KHSRP: variants seen among roughly 807,000 people sequenced by gnomAD.
KHSRP encodes far upstream element-binding protein 2.
In KHSRP, 13 loss-of-function variants were observed where a neutral mutation model predicts 94.9. That is an observed-to-expected ratio of 0.14 (90% CI 0.09 to 0.22). The LOEUF (loss-of-function observed/expected upper bound fraction) is 0.22. KHSRP is among the 10% of genes least tolerant of loss of function. KHSRP has a pLI of 1.00. For synonymous variants in KHSRP, 495 were observed against 401.4 expected (o/e 1.23, Z -2.79); for missense variants, 710 against 1,010.0 (o/e 0.70, Z 4.03).
chr19:6,424,387 A>T, intron 1 of KHSRP, 66 bp downstream of exon 1: 1 of 774,252 alleles, frequency 1.3e-6, no homozygotes, highest in Non-Finnish European at 1.5e-6. Flanking sequence ...CGCGCACGTG[A>T]CCCCCGCCCC....
At chr19:6,423,520 TTCCTCCCTTCAAGCTGTCCCA>T (rs2092207790) in intron 1 of KHSRP, among the ~76,000 whole-genome samples, 1 of 152,192 alleles carries the variant, frequency 6.6e-6, no homozygotes, top group South Asian at 2.1e-4. Flanking sequence ...CAGCACCAGC[TTCCTCCCTTCAAGCTGTCCCA>T]GAATCAGACG....
chr19:6,420,487 C>G lies in KHSRP; in HGVS notation c.426-16G>C. Reference sequence around the variant, plus strand: ...CATTGAAGTCCTGTAAAGAGACACGCCAAAGGTCAGTCCTCAAGTGGGAAG... The same window carrying G: ...CATTGAAGTCCTGTAAAGAGACACGGCAAAGGTCAGTCCTCAAGTGGGAAG... On this transcript the variant is annotated splice_polypyrimidine_tract_variant and intron_variant, in intron 4 of 18. Coordinates refer to ENST00000600480, the MANE Select transcript of KHSRP (RefSeq NM_001366299.1). 4 of 1,613,506 alleles carry G rather than the reference C, an allele frequency of 2.5e-6. No homozygotes were observed. The highest frequency in any genetic ancestry group is 3.4e-6 in the Non-Finnish European group (4 of 1,179,540).
chr19:6,421,526 C>T (rs1323532747), intron 3 of KHSRP, 124 bp downstream of exon 3: 4 of 1,170,356 alleles, frequency 3.4e-6, no homozygotes, highest in Non-Finnish European at 5.1e-6. Flanking sequence ...ACGTATGGGC[C>T]CCAGAATGAA....
At position 6,414,646 on chromosome 19, in the gene KHSRP, AAC is replaced by A. The variant is rs1300464908; in HGVS notation, c.*376_*377del. On this transcript the variant is annotated 3_prime_UTR_variant, in exon 19 of 19. Coordinates refer to ENST00000600480, the MANE Select transcript of KHSRP (RefSeq NM_001366299.1). ...TCCCTGCCAGAGCCAGGCCGCCTGC[AAC>A]ACAGTCACTTGGACACAGGAAAAAA... 66 of 1,008,870 alleles carry A rather than the reference AAC, an allele frequency of 6.5e-5. No individual in the cohort carries two copies. Among genetic ancestry groups the A allele is most frequent in the Non-Finnish European group, 7.2e-5 (61 of 846,358 alleles). The allele number at this position is 1,008,870 out of a possible 1,614,324, so 62.5% of individuals were successfully genotyped here.
intron 1 of KHSRP, among the ~76,000 whole-genome samples, chr19:6,423,775 A>G (rs1403514349): frequency 6.6e-6 from 1 of 152,180 alleles, no homozygotes; most frequent in African/African-American, 2.4e-5. Flanking sequence ...GGAGGCTGCA[A>G]ATGGAGCTGG....
rs550582688 is a variant in KHSRP at position 6,414,792 on chromosome 19, G to A, written c.*232C>T. The A allele has an allele frequency of 4.6e-5, 53 of 1,150,108 alleles. 1 individual carries two copies. Among genetic ancestry groups the A allele is most frequent in the Admixed American group, 2.2e-4 (5 of 22,684 alleles). 71.2% of individuals were successfully genotyped at this position (1,150,108 alleles called of 1,614,324 possible). A position where few individuals can be genotyped will look rare whatever the true frequency, so the allele number is the denominator to read the frequency against. Reference sequence around the variant, plus strand: ...GCCAGATTGTGAGCGAGGTGGTGGCGGCCGGGCCGGTGCCCACCGTCCGCG... The same window carrying A: ...GCCAGATTGTGAGCGAGGTGGTGGCAGCCGGGCCGGTGCCCACCGTCCGCG... On this transcript the variant is annotated 3_prime_UTR_variant, in exon 19 of 19. Coordinates refer to ENST00000600480, the MANE Select transcript of KHSRP (RefSeq NM_001366299.1).
chr19:6,421,177 C>T (rs1182823531), intron 4 of KHSRP, 101 bp downstream of exon 4: 13 of 1,112,042 alleles, frequency 1.2e-5, no homozygotes, highest in South Asian at 7.1e-5. Flanking sequence ...GGGGATAAAA[C>T]CTGAGAGATG....
intron 6 of KHSRP, among the ~76,000 whole-genome samples, chr19:6,419,507 G>A (rs1001740569): frequency 2.0e-5 from 3 of 152,152 alleles, no homozygotes; most frequent in African/African-American, 7.2e-5. Flanking sequence ...GCAGATTCCA[G>A]AAGGTCCAGG....
intron 4 of KHSRP, 186 bp downstream of exon 4, chr19:6,421,092 C>A: frequency 1.6e-6 from 1 of 620,898 alleles, no homozygotes. Context: ...CACAGCCCTT[C>A]AGACAAGGGG....
At chr19:6,415,482 G>C (rs757347638) in intron 17 of KHSRP, 25 bp from the exon 18 acceptor site, 15 of 1,551,662 alleles carry the variant, frequency 9.7e-6, no homozygotes, top group Admixed American at 3.9e-5. Context: ...AGACAGGTCA[G>C]AAACCACTCC....
In KHSRP at chr19:6,416,667, G is replaced by A. The variant is rs143402911; in HGVS notation, c.1328-17C>T. The A allele has an allele frequency of 8.5e-4, 1,379 of 1,613,808 alleles. 10 individuals carry two copies. The African/African-American group carries it at 0.016, about 18-fold the overall frequency. ...TCTCGCCACCTGCAGAAACGCAGAA[G>A]GTGAAGGTGGCCTGCAGTGATGGCC... On this transcript the variant is annotated splice_polypyrimidine_tract_variant and intron_variant, in intron 13 of 18. Transcript: ENST00000600480.
intron 3 of KHSRP, 60 bp downstream of exon 3, chr19:6,421,590 A>C: frequency 1.3e-6 from 2 of 1,574,126 alleles, no homozygotes; most frequent in Non-Finnish European, 1.7e-6. Context: ...CCAGCTCCTG[A>C]CTCCTGAAAA....
At position 6,418,844 on chromosome 19, in the gene KHSRP, G is replaced by A. The variant is rs1487398124; in HGVS notation, c.638C>T (p.Ser213Phe). The A allele has an allele frequency of 1.3e-6, 2 of 1,560,378 alleles. No homozygotes were observed. The highest frequency in any genetic ancestry group is 1.7e-6 in the Non-Finnish European group (2 of 1,158,442). Residue 213 changes from serine to phenylalanine, a missense_variant, in exon 8 of 19, where the codon TCT (serine) becomes TTT (phenylalanine). Ser to Phe is a radical substitution (Grantham distance 155, BLOSUM62 -2). Around this residue, in one of 5 missense-constraint regions of KHSRP, gnomAD observed 288 missense variants for 501.1 expected, o/e 0.57. Transcript: ENST00000600480. The surrounding 1 kb of genome is among the most constrained non-coding windows in gnomAD (Gnocchi z 4.3). ...TCCTGGGGGGCCCCCACGACCCCGA[G>A]ACACAATGTCATCCAGCATCATCTT... ...KAKMMLDDIV[S>F]RGRGGPPGQF... is the part of the protein sequence containing the mutation.
In KHSRP at chr19:6,416,280, G is replaced by C; in HGVS notation, c.1598+18C>G. On this transcript the variant is annotated intron_variant, in intron 15 of 18. Transcript: ENST00000600480. Reference sequence around the variant, plus strand: ...GTAAGCCCCCGGCCTCAAAACCCAGGAGGCAGAGGATACTCACTGTGGGGG... The same window carrying C: ...GTAAGCCCCCGGCCTCAAAACCCAGCAGGCAGAGGATACTCACTGTGGGGG... The C allele has an allele frequency of 1.3e-6, 2 of 1,576,152 alleles. No individual in the cohort carries two copies. The highest frequency in any genetic ancestry group is 2.2e-5 in the East Asian group (1 of 44,596).
intron 11 of KHSRP, 33 bp downstream of exon 11, chr19:6,417,706 A>G (rs2092160535): frequency 1.3e-6 from 2 of 1,582,314 alleles, no homozygotes; most frequent in Non-Finnish European, 1.7e-6. Flanking sequence ...GTGGGGGTGC[A>G]CTGGCCAGGG....
Position 6,417,815 on chromosome 19 carries a change from G to A in KHSRP, c.1005C>T (p.Gly335=), listed in dbSNP as rs555066011. The change falls in exon 11 of 19, where the codon GGC becomes GGT. Residue 335 remains glycine (G), a synonymous_variant. Transcript: ENST00000600480. The part of the protein sequence containing the change: ...IDVPVPRHSV[G]VVIGRSGEMI... ...TCTCTCCACTCCGGCCAATGACCAC[G>A]CCAACAGAATGCCTGGGCACTGGCA... is the stretch of plus-strand genomic sequence containing the variant. The A allele has an allele frequency of 1.9e-6, 3 of 1,613,886 alleles. No homozygotes were observed. Among genetic ancestry groups the A allele is most frequent in the African/African-American group, 2.7e-5 (2 of 75,048 alleles).
chr19:6,415,723 C>T lies in KHSRP; in HGVS notation c.1699G>A (p.Ala567Thr), dbSNP rs992428014. The T allele has an allele frequency of 1.3e-6, 2 of 1,550,064 alleles. No individual in the cohort carries two copies. Among genetic ancestry groups the T allele is most frequent in the Middle Eastern group, 1.7e-4 (1 of 5,918 alleles). ...PAPHDPSKAA[A>T]AAADPNAAWA... ...GCGGCGTTGGGGTCCGCGGCCGCTG[C>T]AGCTGCTTTGCCTGCAGGAGATACC... The change falls in exon 17 of 19, where the codon GCA becomes ACA. Residue 567 changes from alanine (A) to threonine (T), a missense_variant. By Grantham distance (58) the Ala-to-Thr change is moderately conservative (BLOSUM62 0). This residue lies in a region of KHSRP where 292 missense variants were observed against 340.5 expected (regional missense o/e 0.86). Transcript: ENST00000600480.
In KHSRP at chr19:6,415,560, G is replaced by T; in HGVS notation, c.1862C>A (p.Ala621Asp). The T allele has an allele frequency of 6.5e-7, 1 of 1,530,422 alleles. No individual in the cohort carries two copies. The highest frequency in any genetic ancestry group is 8.8e-7 in the Non-Finnish European group (1 of 1,137,264). 94.8% of individuals were successfully genotyped at this position (1,530,422 alleles called of 1,614,324 possible). Residue 621 changes from alanine to aspartate, a missense_variant, in exon 17 of 19, where the codon GCC becomes GAC. Coordinates refer to ENST00000600480, the MANE Select transcript of KHSRP (RefSeq NM_001366299.1). ...PPTGQSDYTKAWEEYYKKIGQ... is the reference protein window; with the variant it reads ...PPTGQSDYTKDWEEYYKKIGQ... ...GATCTTTTTGTAATACTCTTCCCAG[G>T]CCTTAGTGTAGTCCGACTGGCCGGT...
Position 6,415,851 on chromosome 19 carries a change from G to A in KHSRP, c.1644C>T (p.Gly548=), listed in dbSNP as rs2092141253. Residue 548 remains glycine (G), a synonymous_variant, in exon 16 of 19, where the codon GGC becomes GGT. Transcript: ENST00000600480. ...PPHQYPPQGW[G]NTYPQWQPPA... ...GCGGCTGCCACTGGGGGTAGGTATTGCCCCAGCCCTGGGGTGGGTACTGGT... is the reference window on the plus strand; with the variant it reads ...GCGGCTGCCACTGGGGGTAGGTATTACCCCAGCCCTGGGGTGGGTACTGGT... 1 of 1,573,458 alleles carries A rather than the reference G, an allele frequency of 6.4e-7. No individual in the cohort carries two copies.
Sources: allele counts gnomAD v4.1 joint callset (sites outside exome capture counted in the v4.1 genomes callset), GRCh38; gene constraint gnomAD v4.1.1; regional missense constraint gnomAD v4.1.1; non-coding constraint Gnocchi (gnomAD v3.1); transcripts MANE v1.5; gene names NCBI Gene and HGNC (gene_info 2026-07-23, HGNC 2026-07-21).